CD99L2: variants seen among roughly 807,000 people sequenced by gnomAD.
The protein encoded by CD99L2 is CD99 molecule like 2, also known as CD99 antigen-like protein 2.
CD99L2 carries 24 observed loss-of-function variants against 27.3 expected under a neutral mutation model. The observed-to-expected ratio is 0.88, with a 90% CI of 0.64 to 1.24. CD99L2 has a LOEUF of 1.24. CD99L2 is among the 50% of genes most tolerant of loss of function. The pLI is 0.00. For missense variants in CD99L2, 255 were observed against 221.6 expected, an observed-to-expected ratio of 1.15 and a Z score of -0.96; for synonymous variants, 97 against 87.9, an observed-to-expected ratio of 1.10 and a Z score of -0.58.
At chrX:150,788,269 C>T (rs782441430) in intron 7 of CD99L2, among the ~76,000 whole-genome samples, 23 of 111,525 alleles carry the variant, frequency 2.1e-4, no homozygotes, top group Admixed American at 4.8e-4. Context: ...CATCATGTAA[C>T]TTCTTTTGTG....
intron 9 of CD99L2, 27 bp downstream of exon 9, chrX:150,776,147 T>C: frequency 1.7e-6 from 2 of 1,205,979 alleles, no homozygotes; most frequent in East Asian, 5.9e-5. Context: ...AGCTGGTTCC[T>C]AGCCACGAGT....
intron 1 of CD99L2, among the ~76,000 whole-genome samples, chrX:150,833,123 G>GT (rs1401460089): frequency 2.7e-5 from 3 of 109,120 alleles, no homozygotes; most frequent in Non-Finnish European, 3.8e-5. Flanking sequence ...AAAGTAGCAG[G>GT]TTACAAAATC....
At chrX:150,874,996 T>C (rs1411342126) in intron 1 of CD99L2, among the ~76,000 whole-genome samples, 1 of 111,743 alleles carries the variant, frequency 8.9e-6, no homozygotes, top group Non-Finnish European at 1.9e-5. Context: ...TCTCTCTATC[T>C]GATCAATTAC....
chrX:150,889,879 G>A (rs2047475029), intron 1 of CD99L2, among the ~76,000 whole-genome samples: 1 of 112,292 alleles, frequency 8.9e-6, no homozygotes, highest in Non-Finnish European at 1.9e-5. Flanking sequence ...CTAGCCGGGC[G>A]CGGTGGCTCA....
chrX:150,887,125 CA>C (rs1314438447), intron 1 of CD99L2, among the ~76,000 whole-genome samples: 6 of 96,919 alleles, frequency 6.2e-5, no homozygotes. Context: ...ACTTAGGTGA[CA>C]GAGTGAGACT....
intron 9 of CD99L2, among the ~76,000 whole-genome samples, chrX:150,771,241 C>T (rs1557419053): frequency 1.8e-5 from 2 of 112,825 alleles, no homozygotes; most frequent in African/African-American, 6.4e-5. Flanking sequence ...GCTACAGGCT[C>T]CTTGCCTAAA....
rs1318488316 is a variant in CD99L2 at position 150,824,477 on chromosome X, AAAGAAGAAAGAAG to A, written c.130+6741_130+6753del. 8.1e-3 allele frequency among the ~76,000 whole-genome samples: 743 copies of A among 91,407 alleles called. 11 individuals are homozygous for A. Among genetic ancestry groups the A allele is most frequent in the African/African-American group, 0.03 (701 of 23,537 alleles). The allele number at this position is 91,407 out of a possible 115,157, so 79.4% of individuals were successfully genotyped here. A position where few individuals can be genotyped will look rare whatever the true frequency, so the allele number is the denominator to read the frequency against. On this transcript the variant is annotated intron_variant, in intron 2 of 10. Coordinates refer to ENST00000370377, the MANE Select transcript of CD99L2 (RefSeq NM_031462.4). ...AGAAGAAAGAAGAAAGAAGAAGAAG[AAAGAAGAAAGAAG>A]AAGAAGAAAGAAGAAGAAGAAGGAA...
intron 2 of CD99L2, chrX:150,818,753 G>A: frequency 4.1e-6 from 1 of 243,433 alleles, no homozygotes; most frequent in South Asian, 6.2e-5. Flanking sequence ...GTCAACCCCG[G>A]TCCAGTCCAC....
chrX:150,778,478 T>C (rs1376608447), intron 7 of CD99L2, among the ~76,000 whole-genome samples: 3 of 91,978 alleles, frequency 3.3e-5, no homozygotes, highest in Non-Finnish European at 6.4e-5. Context: ...GGGGTATTGA[T>C]AGTTGGGGAG....
intron 7 of CD99L2, among the ~76,000 whole-genome samples, chrX:150,784,731 A>G (rs1353469586): frequency 8.9e-6 from 1 of 112,807 alleles, no homozygotes; most frequent in African/African-American, 3.2e-5. Flanking sequence ...GAAGGCAGAG[A>G]GCAAAGCTGG....
chrX:150,839,175 G>A (rs183734768), intron 1 of CD99L2, among the ~76,000 whole-genome samples: 172 of 111,681 alleles, frequency 1.5e-3, no homozygotes, highest in Non-Finnish European at 2.8e-3. Context: ...TAATATACCA[G>A]TAAATAAAAG....
At chrX:150,889,926 G>C (rs967203628) in intron 1 of CD99L2, among the ~76,000 whole-genome samples, 2 of 110,987 alleles carry the variant, frequency 1.8e-5, no homozygotes, top group Non-Finnish European at 3.8e-5. Flanking sequence ...GCCGAGGCGG[G>C]CGGATCACAA....
chrX:150,793,634 C>T, intron 7 of CD99L2, 57 bp downstream of exon 7: 2 of 998,058 alleles, frequency 2.0e-6, no homozygotes, highest in Non-Finnish European at 1.4e-6. Flanking sequence ...CTGGTTGCTG[C>T]ATAATCACCT....
At position 150,808,697 on chromosome X, in the gene CD99L2, G is replaced by A. The variant is rs556693843; in HGVS notation, c.277+6165C>T. On this transcript the variant is annotated intron_variant, in intron 4 of 10. Coordinates refer to ENST00000370377, the MANE Select transcript of CD99L2 (RefSeq NM_031462.4). ...CAGATGCACTTAAGATGTCTTTGAC[G>A]GGACTCTGAATTACTCAAAAGGGAG... is the stretch of plus-strand genomic sequence containing the variant. Among the ~76,000 whole-genome samples, 8 of 111,884 alleles carry A rather than the reference G, an allele frequency of 7.2e-5. No homozygotes were observed. The East Asian group carries it at 2.0e-3, about 27-fold the overall frequency.
chrX:150,881,717 C>T (rs782069861), intron 1 of CD99L2, among the ~76,000 whole-genome samples: 7 of 112,369 alleles, frequency 6.2e-5, no homozygotes, highest in Admixed American at 5.6e-4. Flanking sequence ...GGCACAGGTG[C>T]CAGCTCAGGG....
chrX:150,814,751 T>C, intron 4 of CD99L2, 111 bp downstream of exon 4: 1 of 657,458 alleles, frequency 1.5e-6, no homozygotes, highest in Admixed American at 2.5e-5. Context: ...CTCCAGTGGC[T>C]TGAAGTGCCT....
intron 2 of CD99L2, chrX:150,818,853 A>G: frequency 5.4e-6 from 2 of 373,662 alleles, no homozygotes; most frequent in Non-Finnish European, 1.1e-5. Flanking sequence ...AGACAGCAGG[A>G]AACTTTTATG....
At chrX:150,809,558 TAAGGAA>T (rs1308302232) in intron 4 of CD99L2, among the ~76,000 whole-genome samples, 1 of 112,165 alleles carries the variant, frequency 8.9e-6, no homozygotes, top group African/African-American at 3.2e-5. Context: ...GAGTATTGGA[TAAGGAA>T]AAGTGTCATC....
intron 2 of CD99L2, among the ~76,000 whole-genome samples, chrX:150,827,277 G>C (rs781874758): frequency 1.2e-4 from 13 of 111,142 alleles, no homozygotes; most frequent in Middle Eastern, 4.7e-3. Context: ...CTATCTCTTT[G>C]AAACCTCAGT....
Sources: allele counts gnomAD v4.1 joint callset (sites outside exome capture counted in the v4.1 genomes callset), GRCh38; gene constraint gnomAD v4.1.1; transcripts MANE v1.5; gene names NCBI Gene and HGNC (gene_info 2026-07-23, HGNC 2026-07-21).